KLHL6: variants seen among roughly 807,000 people sequenced by gnomAD.
KLHL6 encodes the protein kelch-like protein 6.
Under a neutral mutation model 58.6 loss-of-function variants are expected in KLHL6, and 41 were observed. The observed-to-expected ratio is 0.70, with a 90% CI of 0.55 to 0.91. KLHL6 has a LOEUF of 0.91. KLHL6 is among the 40% of genes least tolerant of loss of function. The probability of loss-of-function intolerance (pLI) is 0.00; values close to 1 mark genes in which losing one functional copy is unlikely to be tolerated. For synonymous variants in KLHL6, 338 were observed against 322.7 expected, an observed-to-expected ratio of 1.05 and a Z score of -0.51; for missense variants, 714 against 805.6, an observed-to-expected ratio of 0.89 and a Z score of 1.38.
At chr3:183,545,003 G>A (rs990062431) in intron 1 of KLHL6, among the ~76,000 whole-genome samples, 1 of 152,066 alleles carries the variant, frequency 6.6e-6, no homozygotes, top group Non-Finnish European at 1.5e-5. Context: ...TCTCATAGCA[G>A]CCAATAGGCA....
chr3:183,495,281 T>C (rs1164760087), intron 4 of KLHL6, among the ~76,000 whole-genome samples: 1 of 152,204 alleles, frequency 6.6e-6, no homozygotes, highest in Non-Finnish European at 1.5e-5. Context: ...ATACCCACTT[T>C]TTGTTGGTGG....
At chr3:183,515,564 A>G (rs1199127646) in intron 2 of KLHL6, among the ~76,000 whole-genome samples, 1 of 152,116 alleles carries the variant, frequency 6.6e-6, no homozygotes, top group Admixed American at 6.5e-5. Flanking sequence ...ACTAAAAATA[A>G]AAAGGAAAAG....
In KLHL6 at chr3:183,518,845, C is replaced by A. The variant is rs1318019753; in HGVS notation, c.459+9000G>T. On this transcript the variant is annotated intron_variant, in intron 2 of 6. Transcript: ENST00000341319. ...ACAAAGCAAGAGTCAGCTTTTCCCACCCTGGAGGCAATAAAGATTCCCAGG... is the reference window on the plus strand; with the variant it reads ...ACAAAGCAAGAGTCAGCTTTTCCCAACCTGGAGGCAATAAAGATTCCCAGG... Among the ~76,000 whole-genome samples, 3 of 152,096 alleles carry A rather than the reference C, an allele frequency of 2.0e-5. No homozygotes were observed. In the East Asian group the frequency reaches 5.8e-4, roughly 29 times the overall value.
chr3:183,552,794 G>A (rs181432343), intron 1 of KLHL6, among the ~76,000 whole-genome samples: 1 of 149,244 alleles, frequency 6.7e-6, no homozygotes, highest in African/African-American at 2.5e-5. Context: ...CTGAGCATAC[G>A]AAGAACCCCT....
rs143392886 is a variant in KLHL6, at chr3:183,502,260, G to C, written c.910-2433C>G. Among the ~76,000 whole-genome samples the C allele has an allele frequency of 5.1e-3, 766 of 151,142 alleles. 10 individuals carry two copies. Among genetic ancestry groups the C allele is most frequent in the African/African-American group, 0.017 (710 of 41,132 alleles). ...GAGGGTGCAGTGAGCCAACGTCGCA[G>C]CATTGCACTCCAGCCTGGGCAACAA... On this transcript the variant is annotated intron_variant, in intron 3 of 6. Coordinates refer to ENST00000341319, the MANE Select transcript of KLHL6 (RefSeq NM_130446.4).
At chr3:183,528,673 G>A (rs910975052) in intron 1 of KLHL6, among the ~76,000 whole-genome samples, 1 of 152,176 alleles carries the variant, frequency 6.6e-6, no homozygotes, top group Non-Finnish European at 1.5e-5. Flanking sequence ...CGTAGCATTG[G>A]ATGGACCAGG....
chr3:183,525,283 C>CACACACACACACACACACACACACACAA, intron 2 of KLHL6, among the ~76,000 whole-genome samples: 2 of 151,528 alleles, frequency 1.3e-5, no homozygotes, highest in Non-Finnish European at 3.0e-5. Context: ...CACACACACA[C>CACACACACACACACACACACACACACAA]ACACACACAC....
At chr3:183,522,596 A>G (rs546590256) in intron 2 of KLHL6, 1 of 152,298 alleles carries the variant, frequency 6.6e-6, no homozygotes, top group East Asian at 1.9e-4. Flanking sequence ...GTCCATGACA[A>G]CAGAAATTCA....
At position 183,555,580 on chromosome 3, in the gene KLHL6, G is replaced by A. The variant is rs1280212867; in HGVS notation, c.74C>T (p.Ala25Val). The stretch of plus-strand genomic sequence containing the variant: ...CTGGGAGGGCTCATCTGTAGAAGGT[G>A]CCAGGGGCCCTTCCAAACTCTTCTC... ...VVEKSLEGPLAPSTDEPSQKT... is the reference protein window; with the variant it reads ...VVEKSLEGPLVPSTDEPSQKT... Residue 25 changes from alanine (A) to valine (V), a missense_variant, in exon 1 of 7, where the codon GCA (alanine) becomes GTA (valine). This residue lies in a region of KLHL6 where 204 missense variants were observed against 175.9 expected (regional missense o/e 1.16). Transcript: ENST00000341319. 12 of 1,614,044 alleles carry A rather than the reference G, an allele frequency of 7.4e-6. No homozygotes were observed. Among genetic ancestry groups the A allele is most frequent in the Non-Finnish European group, 1.0e-5 (12 of 1,179,986 alleles).
In KLHL6 at chr3:183,492,631, C is replaced by A; in HGVS notation, c.1427G>T (p.Gly476Val). The change falls in exon 6 of 7, where the codon GGG becomes GTG. Residue 476 changes from glycine (G) to valine (V), a missense_variant. Gly to Val is a moderately radical substitution (Grantham distance 109, BLOSUM62 -3). Transcript: ENST00000341319. The surrounding 1 kb of genome is among the most constrained non-coding windows in gnomAD (Gnocchi z 5.9). The part of the protein sequence containing the change: ...HKKKLYVIGG[G>V]PNGKLATDKT... ...GTCTGTGGCCAGTTTCCCATTGGGC[C>A]CTCCCCCGATCACATACAGCTTCTT... 1 of 1,614,086 alleles carries A rather than the reference C, an allele frequency of 6.2e-7. No individual in the cohort carries two copies. The highest frequency in any genetic ancestry group is 8.5e-7 in the Non-Finnish European group (1 of 1,180,032).
intron 1 of KLHL6, among the ~76,000 whole-genome samples, chr3:183,552,480 A>G (rs1028017732): frequency 3.9e-5 from 6 of 152,116 alleles, no homozygotes; most frequent in Non-Finnish European, 8.8e-5. Flanking sequence ...GCACTTTGGG[A>G]GGCCGAGGCG....
intron 3 of KLHL6, among the ~76,000 whole-genome samples, chr3:183,500,789 C>T (rs985361874): frequency 5.9e-5 from 9 of 152,128 alleles, no homozygotes; most frequent in Admixed American, 2.6e-4. Flanking sequence ...AGGCAGCAAC[C>T]GTTTCCCAGA....
In KLHL6 at chr3:183,515,017, C is replaced by T. The variant is rs540892688; in HGVS notation, c.460-6509G>A. On this transcript the variant is annotated intron_variant, in intron 2 of 6. Coordinates refer to ENST00000341319, the MANE Select transcript of KLHL6 (RefSeq NM_130446.4). ...GTTATTACATCTGGGATCAATGGATCGATCCAGAAAGTCTGTGAACCCCTA... is the reference window on the plus strand; with the variant it reads ...GTTATTACATCTGGGATCAATGGATTGATCCAGAAAGTCTGTGAACCCCTA... 6.6e-4 allele frequency among the ~76,000 whole-genome samples: 101 copies of T among 152,270 alleles called. 1 individual carries two copies. Among genetic ancestry groups the T allele is most frequent in the African/African-American group, 2.4e-3 (99 of 41,542 alleles).
chr3:183,497,372 A>G (rs973122042), intron 4 of KLHL6, among the ~76,000 whole-genome samples: 1 of 152,206 alleles, frequency 6.6e-6, no homozygotes, highest in African/African-American at 2.4e-5. Flanking sequence ...AGATCTCGCC[A>G]TTGTACTCCA....
Position 183,503,767 on chromosome 3 carries a change from A to G in KLHL6, c.910-3940T>C, listed in dbSNP as rs901937707. Among the ~76,000 whole-genome samples the G allele has an allele frequency of 7.2e-5, 11 of 152,330 alleles. 1 individual carries two copies. The highest frequency in any genetic ancestry group is 6.5e-4 in the Admixed American group (10 of 15,304). On this transcript the variant is annotated intron_variant, in intron 3 of 6. Coordinates refer to ENST00000341319, the MANE Select transcript of KLHL6 (RefSeq NM_130446.4). ...GCACTCCAGCCTGGGCAACAAGAAC[A>G]AAAGTCTGTCTGAAGAAAAAACAAA...
intron 2 of KLHL6, among the ~76,000 whole-genome samples, chr3:183,511,656 A>G (rs1718189180): frequency 6.6e-6 from 1 of 152,124 alleles, no homozygotes; most frequent in African/African-American, 2.4e-5. Flanking sequence ...GTTTATTGAG[A>G]CTGGAGAATG....
At chr3:183,525,269 A>AAAAAACACACAC (rs55871319) in intron 2 of KLHL6, among the ~76,000 whole-genome samples, 2 of 133,794 alleles carry the variant, frequency 1.5e-5, no homozygotes, top group African/African-American at 5.5e-5. Flanking sequence ...CTAAAAAAAA[A>AAAAAACACACAC]ACACACACAC....
intron 4 of KLHL6, among the ~76,000 whole-genome samples, chr3:183,494,697 C>T (rs1717668597): frequency 6.6e-6 from 1 of 152,210 alleles, no homozygotes; most frequent in South Asian, 2.1e-4. Flanking sequence ...AGGCAAATTA[C>T]ATGGCAGCTT....
At chr3:183,525,269 A>AAAAAACACACACACACACACAC (rs55871319) in intron 2 of KLHL6, among the ~76,000 whole-genome samples, 38 of 133,866 alleles carry the variant, frequency 2.8e-4, no homozygotes, top group African/African-American at 8.5e-4. Flanking sequence ...CTAAAAAAAA[A>AAAAAACACACACACACACACAC]ACACACACAC....
Sources: gnomAD v4.1 joint callset for allele counts (sites outside exome capture counted in the v4.1 genomes callset) on GRCh38, gnomAD v4.1.1 for gene constraint, gnomAD v4.1.1 regional missense constraint, Gnocchi (gnomAD v3.1) non-coding constraint, MANE v1.5 for transcripts, NCBI Gene and HGNC (gene_info 2026-07-23, HGNC 2026-07-21) for gene names.